DOK6: variants seen among roughly 807,000 people sequenced by gnomAD.
DOK6 encodes the protein downstream of tyrosine kinase 6.
DOK6 carries 22 observed loss-of-function variants against 44.0 expected under a neutral mutation model. The ratio of observed to expected loss-of-function variants is 0.50; its 90% confidence interval spans 0.36 to 0.71. The LOEUF is 0.71. DOK6 is among the 30% of genes least tolerant of loss of function. The pLI, the probability that DOK6 is intolerant of heterozygous loss-of-function variation, is 0.00. For synonymous variants in DOK6, 166 were observed against 145.5 expected, an observed-to-expected ratio of 1.14 and a Z score of -1.01; for missense variants, 340 against 416.4, an observed-to-expected ratio of 0.82 and a Z score of 1.60.
intron 1 of DOK6, among the ~76,000 whole-genome samples, chr18:69,535,229 T>G (rs1982090872): frequency 6.6e-6 from 1 of 152,122 alleles, no homozygotes; most frequent in African/African-American, 2.4e-5. Flanking sequence ...TATATTTTCT[T>G]CATAATAGTC....
In DOK6 at chr18:69,694,054, G is replaced by A. The variant is rs575706677; in HGVS notation, c.410-4350G>A. On this transcript the variant is annotated intron_variant, in intron 4 of 7. Coordinates refer to ENST00000382713, the MANE Select transcript of DOK6 (RefSeq NM_152721.6). Reference sequence around the variant, plus strand: ...AGCCTGGGCGACAGAGCGAGACTCCGTGTCAAAAAAAAAAAAAAAAAAAAA... The same window carrying A: ...AGCCTGGGCGACAGAGCGAGACTCCATGTCAAAAAAAAAAAAAAAAAAAAA... Among the ~76,000 whole-genome samples, 39 of 60,000 alleles carry A rather than the reference G, an allele frequency of 6.5e-4. 1 individual carries two copies. Among genetic ancestry groups the A allele is most frequent in the Non-Finnish European group, 9.8e-4 (35 of 35,628 alleles). 39.4% of individuals were successfully genotyped at this position (60,000 alleles called of 152,430 possible).
At chr18:69,519,183 G>A (rs564888605) in intron 1 of DOK6, among the ~76,000 whole-genome samples, 1 of 152,092 alleles carries the variant, frequency 6.6e-6, no homozygotes, top group East Asian at 1.9e-4. Flanking sequence ...GACAACTACT[G>A]CACAAATATT....
At position 69,495,403 on chromosome 18, in the gene DOK6, G is replaced by A. The variant is rs538259062; in HGVS notation, c.67-69084G>A. ...GAAGAATGAGGTATGCAGATAAGTGGAGGGTGAGCAAGGTGAAGAGGAGCT... is the reference window on the plus strand; with the variant it reads ...GAAGAATGAGGTATGCAGATAAGTGAAGGGTGAGCAAGGTGAAGAGGAGCT... On this transcript the variant is annotated intron_variant, in intron 1 of 7. Transcript: ENST00000382713. Among the ~76,000 whole-genome samples, 478 of 152,324 alleles carry A rather than the reference G, an allele frequency of 3.1e-3. 3 individuals carry two copies. The highest frequency in any genetic ancestry group is 3.2e-3 in the Non-Finnish European group (218 of 68,032).
intron 3 of DOK6, among the ~76,000 whole-genome samples, chr18:69,635,629 G>A (rs1327008553): frequency 1.3e-5 from 2 of 152,140 alleles, no homozygotes; most frequent in African/African-American, 4.8e-5. Context: ...TAAACACATG[G>A]TGATAACTCT....
At chr18:69,549,271 G>A (rs1431003186) in intron 1 of DOK6, among the ~76,000 whole-genome samples, 3 of 151,442 alleles carry the variant, frequency 2.0e-5, no homozygotes, top group Admixed American at 1.3e-4. Context: ...GTCTAATGTG[G>A]AATATCATTA....
chr18:69,530,762 TG>T (rs1434479913), intron 1 of DOK6, among the ~76,000 whole-genome samples: 1 of 152,104 alleles, frequency 6.6e-6, no homozygotes, highest in Non-Finnish European at 1.5e-5. Context: ...TGGAGAGTTC[TG>T]TAGATGTCTA....
At chr18:69,514,773 A>G (rs1478618692) in intron 1 of DOK6, among the ~76,000 whole-genome samples, 3 of 151,272 alleles carry the variant, frequency 2.0e-5, no homozygotes, top group Non-Finnish European at 2.9e-5. Context: ...GTCTTTGCCT[A>G]TATTATTATA....
At chr18:69,658,107 C>A (rs1237287229) in intron 3 of DOK6, among the ~76,000 whole-genome samples, 2 of 151,964 alleles carry the variant, frequency 1.3e-5, no homozygotes, top group African/African-American at 4.8e-5. Context: ...ACCACCACGC[C>A]CAGCTGATTT....
At chr18:69,680,830 G>C (rs944017612) in intron 4 of DOK6, among the ~76,000 whole-genome samples, 12 of 152,170 alleles carry the variant, frequency 7.9e-5, no homozygotes, top group Non-Finnish European at 1.2e-4. Context: ...CTATTTCTTA[G>C]ACAATATACT....
At chr18:69,437,912 C>G (rs1450716631) in intron 1 of DOK6, among the ~76,000 whole-genome samples, 1 of 152,170 alleles carries the variant, frequency 6.6e-6, no homozygotes, top group Non-Finnish European at 1.5e-5. Context: ...CTGCTGTAGT[C>G]TATTAAGTGT....
intron 1 of DOK6, among the ~76,000 whole-genome samples, chr18:69,563,908 G>T (rs1488766958): frequency 6.6e-6 from 1 of 151,896 alleles, no homozygotes; most frequent in Non-Finnish European, 1.5e-5. Context: ...TTCACTATGA[G>T]TATTAAATAT....
intron 3 of DOK6, among the ~76,000 whole-genome samples, chr18:69,638,331 G>T (rs942270290): frequency 2.0e-5 from 3 of 152,190 alleles, no homozygotes; most frequent in African/African-American, 7.2e-5. Flanking sequence ...CTGATTATAA[G>T]AATTATCTGG....
At chr18:69,493,952 T>C (rs1599157713) in intron 1 of DOK6, among the ~76,000 whole-genome samples, 1 of 152,190 alleles carries the variant, frequency 6.6e-6, no homozygotes. Flanking sequence ...TGCATTCAGA[T>C]AGCAATTTTA....
intron 1 of DOK6, among the ~76,000 whole-genome samples, chr18:69,494,130 A>T (rs899147528): frequency 1.3e-5 from 2 of 152,224 alleles, no homozygotes; most frequent in South Asian, 4.1e-4. Context: ...CACAATTTTC[A>T]GATTAGTGCT....
chr18:69,612,544 C>T (rs1184726238), intron 3 of DOK6, among the ~76,000 whole-genome samples: 2 of 144,584 alleles, frequency 1.4e-5, no homozygotes, highest in African/African-American at 2.6e-5. Context: ...ACCAACACCT[C>T]ACCCAACCGA....
chr18:69,713,233 T>A (rs555163627), intron 5 of DOK6, among the ~76,000 whole-genome samples: 17 of 152,332 alleles, frequency 1.1e-4, no homozygotes, highest in African/African-American at 4.1e-4. Context: ...GTAGAACTTG[T>A]GACAATTATT....
intron 1 of DOK6, among the ~76,000 whole-genome samples, chr18:69,493,826 A>G (rs1168676642): frequency 1.3e-5 from 2 of 152,188 alleles, no homozygotes; most frequent in African/African-American, 4.8e-5. Flanking sequence ...TTCCAGCTTT[A>G]TGGAGCAATC....
chr18:69,734,569 T>C (rs973048787), intron 5 of DOK6, among the ~76,000 whole-genome samples: 2 of 152,178 alleles, frequency 1.3e-5, no homozygotes, highest in Admixed American at 1.3e-4. Flanking sequence ...TGAATAGAAA[T>C]ACCACTGGGT....
chr18:69,612,167 A>T (rs1045322947), intron 3 of DOK6, among the ~76,000 whole-genome samples: 36 of 152,084 alleles, frequency 2.4e-4, no homozygotes, highest in Admixed American at 4.6e-4. Flanking sequence ...CAAAAAGTAA[A>T]TTAGGTATAT....
Sources: allele counts gnomAD v4.1 joint callset (sites outside exome capture counted in the v4.1 genomes callset), GRCh38; gene constraint gnomAD v4.1.1; transcripts MANE v1.5; gene names NCBI Gene and HGNC (gene_info 2026-07-23, HGNC 2026-07-21).